Variants in TM2D2 observed in about 807,000 individuals in gnomAD.
TM2D2 encodes TM2 domain-containing protein 2.
In TM2D2, 19 loss-of-function variants were observed where a neutral mutation model predicts 23.0. That is an observed-to-expected ratio of 0.82 (90% CI 0.58 to 1.21). TM2D2 has a LOEUF of 1.21. Ranked by LOEUF, TM2D2 falls within the 50% of genes most tolerant of loss-of-function variation. The pLI is 0.00. For synonymous variants in TM2D2, 120 were observed against 108.8 expected (o/e 1.10, Z -0.64); for missense variants, 246 against 265.4 (o/e 0.93, Z 0.51).
At position 38,989,144 on chromosome 8, in the gene TM2D2, C is replaced by T. The variant is rs1288657206; in HGVS notation, c.*2188G>A. The T allele has an allele frequency of 2.0e-5, 3 of 152,184 alleles. No homozygotes were observed. Among genetic ancestry groups the T allele is most frequent in the Admixed American group, 6.5e-5 (1 of 15,274 alleles). The allele number at this position is 152,184 out of a possible 1,614,324, so 9.4% of individuals were successfully genotyped here. ...AATTTTGGATTGTCACATAGGAATA[C>T]TGATGATTCTCAAATTACCACTCTA... On this transcript the variant is annotated 3_prime_UTR_variant, in exon 4 of 4. Coordinates refer to ENST00000456397, the MANE Select transcript of TM2D2 (RefSeq NM_078473.3).
chr8:38,996,446 G>T lies in TM2D2; in HGVS notation c.-7C>A. 1 of 1,613,786 alleles carries T rather than the reference G, an allele frequency of 6.2e-7. No individual in the cohort carries two copies. Among genetic ancestry groups the T allele is most frequent in the Non-Finnish European group, 8.5e-7 (1 of 1,179,880 alleles). On this transcript the variant is annotated 5_prime_UTR_variant, in exon 1 of 4. Transcript: ENST00000456397. ...GGCAACCACCTAGCACCATCTTCCC[G>T]GGCACAGGAGCGGAGACCCGGCCTC...
In TM2D2 at chr8:38,996,221, G is replaced by T; in HGVS notation, c.219C>A (p.Cys73Ter). ...GACCACTGGTAGCTTACAGGTAAGAGCAGAGGATGACCGGAGAGTGGGGGT... is the reference window on the plus strand; with the variant it reads ...GACCACTGGTAGCTTACAGGTAAGATCAGAGGATGACCGGAGAGTGGGGGT... Reference protein sequence around the residue: ...YGDPHSPVILCSYLPDEFIEC... With the variant: ...YGDPHSPVIL Residue 73 changes from cysteine to a stop codon, truncating the protein, a stop_gained, in exon 1 of 4, where the codon TGC (cysteine) becomes TGA (stop). Transcript: ENST00000456397. LOFTEE classifies it high-confidence loss of function. 1 of 1,613,554 alleles carries T rather than the reference G, an allele frequency of 6.2e-7. No individual in the cohort carries two copies. The highest frequency in any genetic ancestry group is 8.5e-7 in the Non-Finnish European group (1 of 1,179,840).
intron 2 of TM2D2, among the ~76,000 whole-genome samples, chr8:38,994,534 T>A (rs566435154): frequency 6.6e-6 from 1 of 152,280 alleles, no homozygotes; most frequent in East Asian, 1.9e-4. Flanking sequence ...TCAGTAAGAG[T>A]TGCCCTTTTA....
In TM2D2 at chr8:38,990,507, A is replaced by G. The variant is rs1326968981; in HGVS notation, c.*825T>C. 7.2e-5 allele frequency: 11 copies of G among 152,242 alleles called. No individual in the cohort carries two copies. The East Asian group carries it at 1.9e-3, about 27-fold the overall frequency. 9.4% of individuals were successfully genotyped at this position (152,242 alleles called of 1,614,324 possible). A position where few individuals can be genotyped will look rare whatever the true frequency, so the allele number is the denominator to read the frequency against. On this transcript the variant is annotated 3_prime_UTR_variant, in exon 4 of 4. Transcript: ENST00000456397. ...CAGCCCACAGGGAGAGCTAATCATG[A>G]AGAATAGTTTTACAGAAACTTGTAT...
At position 38,993,526 on chromosome 8, in the gene TM2D2, C is replaced by A; in HGVS notation, c.431+19G>T. The A allele has an allele frequency of 6.4e-7, 1 of 1,566,694 alleles. No individual in the cohort carries two copies. Among genetic ancestry groups the A allele is most frequent in the Non-Finnish European group, 8.8e-7 (1 of 1,139,008 alleles). On this transcript the variant is annotated intron_variant, in intron 3 of 3. Transcript: ENST00000456397. Reference sequence around the variant, plus strand: ...ACCTCCAACCAAGTACCAACTACTCCAATCAAAGTAACACTTACTTTATAC... The same window carrying A: ...ACCTCCAACCAAGTACCAACTACTCAAATCAAAGTAACACTTACTTTATAC...
chr8:38,996,346 G>A lies in TM2D2; in HGVS notation c.94C>T (p.Arg32Trp), dbSNP rs988833158. The A allele has an allele frequency of 6.2e-7, 1 of 1,614,070 alleles. No homozygotes were observed. Among genetic ancestry groups the A allele is most frequent in the African/African-American group, 1.3e-5 (1 of 74,940 alleles). Residue 32 changes from arginine to tryptophan, a missense_variant, in exon 1 of 4, where the codon CGG (arginine) becomes TGG (tryptophan). Arg to Trp is a moderately radical substitution (Grantham distance 101). Around this residue, in one of 2 missense-constraint regions of TM2D2, gnomAD observed 212 missense variants for 202.2 expected, o/e 1.05. Coordinates refer to ENST00000456397, the MANE Select transcript of TM2D2 (RefSeq NM_078473.3). ...GNLLLLHCVSRSHSQNATAEP... is the reference protein window; with the variant it reads ...GNLLLLHCVSWSHSQNATAEP... ...GCGGTCGCATTTTGCGAGTGGCTCC[G>A]AGACACACAATGCAGCAGAAGTAAA...
chr8:38,988,840 A>C lies in TM2D2; in HGVS notation c.*2492T>G, dbSNP rs1835523530. 1 of 152,318 alleles carries C rather than the reference A, an allele frequency of 6.6e-6. No homozygotes were observed. Among genetic ancestry groups the C allele is most frequent in the South Asian group, 2.1e-4 (1 of 4,824 alleles). The allele number at this position is 152,318 out of a possible 1,614,324, so 9.4% of individuals were successfully genotyped here. On this transcript the variant is annotated 3_prime_UTR_variant, in exon 4 of 4. Transcript: ENST00000456397. ...GAACTGATAACATTTTATTAAAGGC[A>C]AGAAACAACTAAAAGGCAGGCAGCT...
rs1462219226 is a variant in TM2D2 at position 38,989,151 on chromosome 8, T to C, written c.*2181A>G. On this transcript the variant is annotated 3_prime_UTR_variant, in exon 4 of 4. Coordinates refer to ENST00000456397, the MANE Select transcript of TM2D2 (RefSeq NM_078473.3). ...GATTGTCACATAGGAATACTGATGA[T>C]TCTCAAATTACCACTCTAGCAGCGA... is the stretch of plus-strand genomic sequence containing the variant. 2 of 152,208 alleles carry C rather than the reference T, an allele frequency of 1.3e-5. No homozygotes were observed. Among genetic ancestry groups the C allele is most frequent in the Admixed American group, 1.3e-4 (2 of 15,280 alleles). 9.4% of individuals were successfully genotyped at this position (152,208 alleles called of 1,614,324 possible). A position where few individuals can be genotyped will look rare whatever the true frequency, so the allele number is the denominator to read the frequency against.
chr8:38,996,518 A>C, upstream of TM2D2: 3 of 1,572,056 alleles, frequency 1.9e-6, no homozygotes, highest in South Asian at 1.1e-5. Flanking sequence ...CTGCGTGGTC[A>C]GGCCTTTCCG....
At position 38,990,840 on chromosome 8, in the gene TM2D2, G is replaced by C. The variant is rs1385469975; in HGVS notation, c.*492C>G. On this transcript the variant is annotated 3_prime_UTR_variant, in exon 4 of 4. Coordinates refer to ENST00000456397, the MANE Select transcript of TM2D2 (RefSeq NM_078473.3). ...AAAATTTATTCTACATTTAAATTCAGAAAGTCAGAATTTCAGTGTGTATTA... is the reference window on the plus strand; with the variant it reads ...AAAATTTATTCTACATTTAAATTCACAAAGTCAGAATTTCAGTGTGTATTA... 6.4e-6 allele frequency: 1 copy of C among 156,030 alleles called. No homozygotes were observed. Among genetic ancestry groups the C allele is most frequent in the Non-Finnish European group, 1.4e-5 (1 of 70,498 alleles). 9.7% of individuals were successfully genotyped at this position (156,030 alleles called of 1,614,324 possible). A position where few individuals can be genotyped will look rare whatever the true frequency, so the allele number is the denominator to read the frequency against.
At position 38,990,776 on chromosome 8, in the gene TM2D2, C is replaced by T. The variant is rs1835577808; in HGVS notation, c.*556G>A. The T allele has an allele frequency of 6.5e-6, 1 of 153,476 alleles. No individual in the cohort carries two copies. 9.5% of individuals were successfully genotyped at this position (153,476 alleles called of 1,614,324 possible). On this transcript the variant is annotated 3_prime_UTR_variant, in exon 4 of 4. Coordinates refer to ENST00000456397, the MANE Select transcript of TM2D2 (RefSeq NM_078473.3). ...AAACAAATATAATTTTGAGTTTATT[C>T]CCCCTACTGAAAATACTCATACAGT...
chr8:38,996,788 C>T (rs947766308), upstream of TM2D2: 11 of 1,422,280 alleles, frequency 7.7e-6, no homozygotes, highest in African/African-American at 4.3e-5. Flanking sequence ...ACTGGCGGGC[C>T]GACTAGTGCT....
In TM2D2 at chr8:38,993,415, C is replaced by A. The variant is rs1045971264; in HGVS notation, c.431+130G>T. The A allele has an allele frequency of 2.6e-5, 15 of 571,990 alleles. No homozygotes were observed. The Admixed American group carries it at 4.3e-4, about 17-fold the overall frequency. The allele number at this position is 571,990 out of a possible 1,614,324, so 35.4% of individuals were successfully genotyped here. A position where few individuals can be genotyped will look rare whatever the true frequency, so the allele number is the denominator to read the frequency against. Reference sequence around the variant, plus strand: ...AGGCTGCGATAAGCCATGATTGCACCACTGCACTCCAGCCTGGGTAACAGA... The same window carrying A: ...AGGCTGCGATAAGCCATGATTGCACAACTGCACTCCAGCCTGGGTAACAGA... On this transcript the variant is annotated intron_variant, in intron 3 of 3. Transcript: ENST00000456397.
chr8:38,996,520 G>T (rs1347204117), upstream of TM2D2: 1 of 1,565,358 alleles, frequency 6.4e-7, no homozygotes, highest in Non-Finnish European at 8.7e-7. Flanking sequence ...GCGTGGTCAG[G>T]CCTTTCCGCG....
chr8:38,996,784 G>C (rs1190695639), upstream of TM2D2: 5 of 1,421,412 alleles, frequency 3.5e-6, no homozygotes, highest in South Asian at 4.5e-5. Context: ...TATGACTGGC[G>C]GGCCGACTAG....
chr8:38,992,816 C>T (rs1213788658), intron 3 of TM2D2, among the ~76,000 whole-genome samples: 1 of 152,164 alleles, frequency 6.6e-6, no homozygotes, highest in Non-Finnish European at 1.5e-5. Context: ...TACACTCTTT[C>T]CTGTTGTTTT....
intron 1 of TM2D2, 97 bp downstream of exon 1, chr8:38,996,115 GA>G: frequency 7.1e-7 from 1 of 1,408,824 alleles, no homozygotes; most frequent in Non-Finnish European, 9.5e-7. Context: ...GGCAGGGTCT[GA>G]AAAAATGCAG....
rs762226465 is a variant in TM2D2 at position 38,991,319 on chromosome 8, A to G, written c.*13T>C. The G allele has an allele frequency of 6.2e-7, 1 of 1,611,710 alleles. No individual in the cohort carries two copies. The highest frequency in any genetic ancestry group is 1.7e-5 in the Admixed American group (1 of 59,842). On this transcript the variant is annotated 3_prime_UTR_variant, in exon 4 of 4. Transcript: ENST00000456397. ...CTTTCACCCGCCTCCCTGGGCCATGATGGCAGCTCTTCTTAGTAAACAGTG... is the reference window on the plus strand; with the variant it reads ...CTTTCACCCGCCTCCCTGGGCCATGGTGGCAGCTCTTCTTAGTAAACAGTG...
intron 3 of TM2D2, among the ~76,000 whole-genome samples, chr8:38,992,841 G>A (rs770829861): frequency 5.9e-5 from 9 of 152,292 alleles, no homozygotes; most frequent in African/African-American, 2.2e-4. Context: ...AGCGAAAAGC[G>A]AGGACTTCTT....
Sources: gnomAD v4.1 joint callset for allele counts (sites outside exome capture counted in the v4.1 genomes callset) on GRCh38, gnomAD v4.1.1 for gene constraint, gnomAD v4.1.1 regional missense constraint, MANE v1.5 for transcripts, NCBI Gene and HGNC (gene_info 2026-07-23, HGNC 2026-07-21) for gene names.